CATSPERE: variants seen among roughly 807,000 people sequenced by gnomAD.
The protein encoded by CATSPERE is catsper channel auxiliary subunit epsilon, also known as cation channel sperm-associated auxiliary subunit epsilon.
In CATSPERE, 93 loss-of-function variants were observed where a neutral mutation model predicts 114.1. That is an observed-to-expected ratio of 0.81 (90% CI 0.69 to 0.97). CATSPERE has a LOEUF of 0.97. CATSPERE is among the 50% of genes least tolerant of loss of function. CATSPERE has a pLI of 0.00. For synonymous variants in CATSPERE, 341 were observed against 384.1 expected, an observed-to-expected ratio of 0.89 and a Z score of 1.31; for missense variants, 1,058 against 1,131.6, an observed-to-expected ratio of 0.93 and a Z score of 0.93.
At chr1:244,594,806 G>T (rs1668173919) in intron 17 of CATSPERE, among the ~76,000 whole-genome samples, 1 of 152,154 alleles carries the variant, frequency 6.6e-6, no homozygotes, top group African/African-American at 2.4e-5. Flanking sequence ...GCCTCTGCCA[G>T]CATGGTCTGG....
intron 2 of CATSPERE, among the ~76,000 whole-genome samples, chr1:244,464,333 A>C (rs571349743): frequency 1.2e-4 from 19 of 152,286 alleles, no homozygotes; most frequent in Admixed American, 1.2e-3. Flanking sequence ...TATAGACCTC[A>C]TTCTCTATAT....
chr1:244,617,723 G>C (rs1671575268), intron 20 of CATSPERE, 37 bp downstream of exon 20: 20 of 1,467,294 alleles, frequency 1.4e-5, no homozygotes, highest in Non-Finnish European at 1.8e-5. Context: ...GTTAGCATTA[G>C]TTCTTCAAAA....
chr1:244,565,121 T>A (rs1000887212), intron 10 of CATSPERE, among the ~76,000 whole-genome samples: 6 of 152,194 alleles, frequency 3.9e-5, no homozygotes, highest in Non-Finnish European at 8.8e-5. Context: ...GTGGATAAGT[T>A]TTTTAATGTG....
chr1:244,452,088 C>T (rs1337447738), upstream of CATSPERE: 5 of 306,018 alleles, frequency 1.6e-5, no homozygotes, highest in Non-Finnish European at 3.0e-5. Context: ...GGCCGCCACC[C>T]CGGACCGAGG....
chr1:244,565,604 T>C (rs1271042544), intron 10 of CATSPERE, among the ~76,000 whole-genome samples: 1 of 152,166 alleles, frequency 6.6e-6, no homozygotes, highest in African/African-American at 2.4e-5. Context: ...CTTTATCTTT[T>C]TTTATTGTGT....
intron 8 of CATSPERE, among the ~76,000 whole-genome samples, chr1:244,546,508 A>T (rs1659774072): frequency 6.6e-6 from 1 of 152,264 alleles, no homozygotes; most frequent in South Asian, 2.1e-4. Context: ...AGAGATAGAG[A>T]TGTATGAACT....
chr1:244,564,883 T>A (rs761396670), intron 10 of CATSPERE, among the ~76,000 whole-genome samples: 6 of 152,158 alleles, frequency 3.9e-5, no homozygotes, highest in Non-Finnish European at 7.3e-5. Flanking sequence ...TGGCTGTGGG[T>A]TTGTCATAAA....
intron 8 of CATSPERE, among the ~76,000 whole-genome samples, chr1:244,532,243 T>C (rs565419574): frequency 6.6e-6 from 1 of 152,168 alleles, no homozygotes; most frequent in East Asian, 1.9e-4. Context: ...TTATTTATCT[T>C]TTCAAAAAAC....
chr1:244,494,355 A>G (rs1052565923), intron 6 of CATSPERE, among the ~76,000 whole-genome samples: 1 of 150,722 alleles, frequency 6.6e-6, no homozygotes, highest in Admixed American at 6.6e-5. Context: ...CACAAGGACA[A>G]GAAACCAAAC....
intron 8 of CATSPERE, among the ~76,000 whole-genome samples, chr1:244,549,112 G>T (rs1450148751): frequency 6.6e-6 from 1 of 152,168 alleles, no homozygotes; most frequent in East Asian, 1.9e-4. Flanking sequence ...AAATACAGGA[G>T]ATCCCTTATG....
chr1:244,467,347 A>T (rs1453503184), intron 2 of CATSPERE, among the ~76,000 whole-genome samples: 1 of 152,236 alleles, frequency 6.6e-6, no homozygotes, highest in Admixed American at 6.5e-5. Context: ...TTTCACAAAA[A>T]AGGATGTACA....
chr1:244,559,253 T>C (rs1662174429), intron 9 of CATSPERE, among the ~76,000 whole-genome samples: 2 of 152,242 alleles, frequency 1.3e-5, no homozygotes, highest in South Asian at 4.1e-4. Context: ...ATTTCTTCTT[T>C]AAGAATTGTT....
intron 12 of CATSPERE, 27 bp from the exon 13 acceptor site, chr1:244,583,837 A>G: frequency 6.2e-7 from 1 of 1,604,144 alleles, no homozygotes; most frequent in Admixed American, 1.7e-5. Context: ...ACATGATACA[A>G]TAACCTGTAC....
At chr1:244,634,922 G>A (rs1348290908) in intron 20 of CATSPERE, among the ~76,000 whole-genome samples, 1 of 152,226 alleles carries the variant, frequency 6.6e-6, no homozygotes, top group Non-Finnish European at 1.5e-5. Flanking sequence ...TCAGCTCACT[G>A]CAACCTCCGC....
chr1:244,618,846 A>G (rs1426853089), intron 20 of CATSPERE, among the ~76,000 whole-genome samples: 1 of 152,210 alleles, frequency 6.6e-6, no homozygotes, highest in East Asian at 1.9e-4. Flanking sequence ...GACGTTAACA[A>G]GGAAAGAGGT....
intron 20 of CATSPERE, among the ~76,000 whole-genome samples, chr1:244,623,367 C>A (rs1448698735): frequency 6.6e-6 from 1 of 152,186 alleles, no homozygotes; most frequent in Non-Finnish European, 1.5e-5. Context: ...TGTGAGCCAC[C>A]ACCTCGTTAC....
At chr1:244,566,652 C>CTTTTTTTTTTTTTTTTTTTTTTTTT (rs59466928) in intron 10 of CATSPERE, among the ~76,000 whole-genome samples, 1 of 49,122 alleles carries the variant, frequency 2.0e-5, no homozygotes, top group African/African-American at 4.5e-5. Context: ...GCAACCCCTG[C>CTTTTTTTTTTTTTTTTTTTTTTTTT]TTTTTTTTTT....
chr1:244,533,949 G>A (rs1456114710), intron 8 of CATSPERE, among the ~76,000 whole-genome samples: 1 of 152,068 alleles, frequency 6.6e-6, no homozygotes, highest in African/African-American at 2.4e-5. Context: ...CAGATCTTGT[G>A]TTGATGAAAT....
chr1:244,461,330 C>T lies in CATSPERE; in HGVS notation c.-100C>T, dbSNP rs923334691. On this transcript the variant is annotated 5_prime_UTR_variant, in exon 1 of 22. Transcript: ENST00000366534. ...CCGCCCTGTCCAGAGGCGCCGGGAC[C>T]CAGGCGCCTGCAGCCGCCCGCCGGG... 1.9e-6 allele frequency: 2 copies of T among 1,071,032 alleles called. No individual in the cohort carries two copies. The highest frequency in any genetic ancestry group is 2.4e-6 in the Non-Finnish European group (2 of 825,296). The allele number at this position is 1,071,032 out of a possible 1,614,324, so 66.3% of individuals were successfully genotyped here. A position where few individuals can be genotyped will look rare whatever the true frequency, so the allele number is the denominator to read the frequency against.
Sources: gnomAD v4.1 joint callset for allele counts (sites outside exome capture counted in the v4.1 genomes callset) on GRCh38, gnomAD v4.1.1 for gene constraint, MANE v1.5 for transcripts, NCBI Gene and HGNC (gene_info 2026-07-23, HGNC 2026-07-21) for gene names.